The following LDHAL6A variants were observed in gnomAD, a reference collection of about 807,000 sequenced individuals.
LDHAL6A encodes lactate dehydrogenase A like 6A, also known as L-lactate dehydrogenase A-like 6A.
Under a neutral mutation model 28.2 loss-of-function variants are expected in LDHAL6A, and 19 were observed. That is an observed-to-expected ratio of 0.67 (90% CI 0.47 to 0.99). The LOEUF (loss-of-function observed/expected upper bound fraction) is 0.99, where lower values mean the gene tolerates loss of function less well. Ranked by LOEUF, LDHAL6A falls within the 50% of genes least tolerant of loss-of-function variation. The pLI is 0.00. For synonymous variants in LDHAL6A, 144 were observed against 134.4 expected, an observed-to-expected ratio of 1.07 and a Z score of -0.49; for missense variants, 372 against 398.6, an observed-to-expected ratio of 0.93 and a Z score of 0.57.
In LDHAL6A at chr11:18,467,932, T is replaced by C. The variant is rs573236754; in HGVS notation, c.418+2122T>C. The stretch of plus-strand genomic sequence containing the variant: ...ATATATATATATACACACACATATA[T>C]ATATACACACACATATATATATACG... On this transcript the variant is annotated intron_variant, in intron 3 of 6. Coordinates refer to ENST00000280706, the MANE Select transcript of LDHAL6A (RefSeq NM_144972.5). Among the ~76,000 whole-genome samples, 10 of 77,984 alleles carry C rather than the reference T, an allele frequency of 1.3e-4. 1 individual carries two copies. Among genetic ancestry groups the C allele is most frequent in the African/African-American group, 1.6e-4 (3 of 19,012 alleles). 51.2% of individuals were successfully genotyped at this position (77,984 alleles called of 152,430 possible).
At position 18,456,461 on chromosome 11, in the gene LDHAL6A, C is replaced by A; in HGVS notation, c.-220C>A. The A allele has an allele frequency of 1.9e-6, 1 of 528,604 alleles. No individual in the cohort carries two copies. The highest frequency in any genetic ancestry group is 3.3e-6 in the Non-Finnish European group (1 of 299,052). 32.7% of individuals were successfully genotyped at this position (528,604 alleles called of 1,614,324 possible). ...GTACTCACGCTTCCTTCTCCTTCCC[C>A]TGGTCCGCTTCATGGATGCTGAGCT... On this transcript the variant is annotated 5_prime_UTR_variant, in exon 1 of 7. In the 5' UTR this introduces an upstream ATG that the reference lacks. Coordinates refer to ENST00000280706, the MANE Select transcript of LDHAL6A (RefSeq NM_144972.5).
At chr11:18,468,312 C>T (rs929336879) in intron 3 of LDHAL6A, 1 of 149,820 alleles carries the variant, frequency 6.7e-6, no homozygotes, top group African/African-American at 2.5e-5. Context: ...ACTTGGCATT[C>T]ATTGAGCAGC....
intron 1 of LDHAL6A, among the ~76,000 whole-genome samples, chr11:18,462,554 G>A (rs374723668): frequency 6.6e-5 from 10 of 150,884 alleles, no homozygotes; most frequent in Non-Finnish European, 1.2e-4. Flanking sequence ...GGAGAATGGC[G>A]TGAACCTGGG....
chr11:18,462,414 G>A (rs1848938377), intron 1 of LDHAL6A, among the ~76,000 whole-genome samples: 1 of 151,666 alleles, frequency 6.6e-6, no homozygotes, highest in South Asian at 2.1e-4. Context: ...GAGGCGGGCG[G>A]ATCACTAGGT....
At chr11:18,460,330 A>G (rs1227658474) in intron 1 of LDHAL6A, among the ~76,000 whole-genome samples, 1 of 151,930 alleles carries the variant, frequency 6.6e-6, no homozygotes, top group Non-Finnish European at 1.5e-5. Context: ...GGTGGCTCAC[A>G]CCTGTAATCC....
intron 3 of LDHAL6A, chr11:18,469,245 C>CTGTT (rs1849199352): frequency 1.6e-6 from 1 of 609,614 alleles, no homozygotes; most frequent in Non-Finnish European, 2.9e-6. Flanking sequence ...TTCACATTTA[C>CTGTT]TGTTTGTGTT....
Position 18,477,675 on chromosome 11 carries a change from G to A in LDHAL6A, c.766G>A (p.Val256Ile). The A allele has an allele frequency of 6.2e-7, 1 of 1,613,240 alleles. No individual in the cohort carries two copies. The highest frequency in any genetic ancestry group is 8.5e-7 in the Non-Finnish European group (1 of 1,179,544). ...TACTTCTTGGGGCATTAGCCTATCT[G>A]TAGCTGATTTAACAGAAAGTATTTT... is the stretch of plus-strand genomic sequence containing the variant. ...GYTSWGISLS[V>I]ADLTESILKN... Residue 256 changes from valine (V) to isoleucine (I), a missense_variant, in exon 6 of 7, where the codon GTA (valine) becomes ATA (isoleucine). Around this residue, in one of 3 missense-constraint regions of LDHAL6A, gnomAD observed 291 missense variants for 302.9 expected, o/e 0.96. Transcript: ENST00000280706.
intron 1 of LDHAL6A, among the ~76,000 whole-genome samples, chr11:18,462,509 C>A (rs1416413539): frequency 1.3e-5 from 2 of 151,756 alleles, no homozygotes; most frequent in Non-Finnish European, 2.9e-5. Flanking sequence ...TGGTGGCGGG[C>A]GCCTGTAGTC....
chr11:18,467,958 T>C (rs1383168903), intron 3 of LDHAL6A, among the ~76,000 whole-genome samples: 4 of 36,626 alleles, frequency 1.1e-4, no homozygotes, highest in African/African-American at 5.9e-4. Flanking sequence ...TATATATACG[T>C]ATATATATAC....
At chr11:18,465,926 C>G (rs1849060827) in intron 3 of LDHAL6A, 116 bp downstream of exon 3, 1 of 802,740 alleles carries the variant, frequency 1.2e-6, no homozygotes, top group East Asian at 2.6e-5. Flanking sequence ...TCCTGCCACC[C>G]AGGTACTGAG....
chr11:18,456,956 C>A, intron 1 of LDHAL6A, 150 bp downstream of exon 1: 1 of 686,414 alleles, frequency 1.5e-6, no homozygotes, highest in Non-Finnish European at 2.3e-6. Context: ...TTTAGTTGTT[C>A]ACCCAGAGGG....
chr11:18,472,863 TAA>T (rs1006969413), intron 3 of LDHAL6A, among the ~76,000 whole-genome samples: 13 of 152,116 alleles, frequency 8.5e-5, no homozygotes, highest in South Asian at 2.1e-4. Context: ...TGTAAGAAAA[TAA>T]AAGAGGTTTA....
intron 3 of LDHAL6A, 148 bp from the exon 4 acceptor site, chr11:18,475,318 G>A: frequency 1.6e-6 from 1 of 621,294 alleles, no homozygotes; most frequent in Non-Finnish European, 2.9e-6. Flanking sequence ...ATATTCTTAA[G>A]AGTTGGCGTA....
At chr11:18,457,720 T>A (rs1160391859) in intron 1 of LDHAL6A, among the ~76,000 whole-genome samples, 3 of 152,142 alleles carry the variant, frequency 2.0e-5, no homozygotes, top group African/African-American at 4.8e-5. Flanking sequence ...TCATTGATTG[T>A]TTGATGGGGC....
intron 1 of LDHAL6A, among the ~76,000 whole-genome samples, chr11:18,461,187 C>T (rs1848891730): frequency 6.6e-6 from 1 of 150,732 alleles, no homozygotes; most frequent in African/African-American, 2.4e-5. Flanking sequence ...CTCTGTTGCC[C>T]AGGCTGGAGT....
intron 3 of LDHAL6A, among the ~76,000 whole-genome samples, chr11:18,472,620 T>C (rs1200451430): frequency 1.3e-5 from 2 of 152,224 alleles, no homozygotes; most frequent in Admixed American, 1.3e-4. Context: ...TAAATTGTCT[T>C]CATATGTTTA....
intron 1 of LDHAL6A, among the ~76,000 whole-genome samples, chr11:18,459,911 T>C (rs1848854008): frequency 6.6e-6 from 1 of 152,032 alleles, no homozygotes; most frequent in Non-Finnish European, 1.5e-5. Context: ...TTTTTTTTGA[T>C]GGTGAGACCG....
chr11:18,464,643 A>T (rs544793458), intron 2 of LDHAL6A, among the ~76,000 whole-genome samples: 8 of 151,034 alleles, frequency 5.3e-5, no homozygotes, highest in Admixed American at 5.3e-4. Context: ...TGAACCTGGG[A>T]GGTGGAGGTT....
chr11:18,478,706 G>T lies in LDHAL6A; in HGVS notation c.835G>T (p.Gly279Cys). The change falls in exon 7 of 7, where the codon GGC (glycine) becomes TGC (cysteine). Residue 279 changes from glycine (G) to cysteine (C), a missense_variant and splice_region_variant. Gly to Cys is a radical substitution (Grantham distance 159). Coordinates refer to ENST00000280706, the MANE Select transcript of LDHAL6A (RefSeq NM_144972.5). ...ATAATTTTTAAGTCTTTACTTTCAG[G>T]GCCTCTATGGAATAAATGAAGACAT... is the stretch of plus-strand genomic sequence containing the variant. ...RVHPVSTLSK[G>C]LYGINEDIFL... The T allele has an allele frequency of 6.2e-7, 1 of 1,602,342 alleles. No individual in the cohort carries two copies. Among genetic ancestry groups the T allele is most frequent in the Non-Finnish European group, 8.5e-7 (1 of 1,175,460 alleles).
Sources: allele counts gnomAD v4.1 joint callset (sites outside exome capture counted in the v4.1 genomes callset), GRCh38; gene constraint gnomAD v4.1.1; regional missense constraint gnomAD v4.1.1; transcripts MANE v1.5; gene names NCBI Gene and HGNC (gene_info 2026-07-23, HGNC 2026-07-21).